The following DRC11L variants were observed in gnomAD, a reference collection of about 807,000 sequenced individuals.
The protein encoded by DRC11L is dynein regulatory complex subunit 11 like.
the DRC11L span, among the ~76,000 whole-genome samples, chr7:151,200,973 AAG>A: frequency 6.6e-6 from 1 of 152,138 alleles, no homozygotes; most frequent in Non-Finnish European, 1.5e-5. Context: ...TCCCAGGCCC[AAG>A]ACCCCATCTG....
the DRC11L span, among the ~76,000 whole-genome samples, chr7:151,198,120 G>A: frequency 5.7e-4 from 87 of 151,798 alleles, 1 homozygote; most frequent in East Asian, 0.015. Flanking sequence ...GTGGGTGGAT[G>A]AACAGATGGA....
At chr7:151,195,135 A>G in the DRC11L span, among the ~76,000 whole-genome samples, 1 of 152,134 alleles carries the variant, frequency 6.6e-6, no homozygotes, top group Non-Finnish European at 1.5e-5. Flanking sequence ...GGTTAAGGCA[A>G]AGGTTGGAGG....
chr7:151,192,348 C>T, the DRC11L span: 13 of 399,118 alleles, frequency 3.3e-5, no homozygotes, highest in Non-Finnish European at 5.7e-5. Flanking sequence ...CCCCGCATCT[C>T]GGCCAGCTGT....
At chr7:151,199,091 C>T in the DRC11L span, 21 of 398,134 alleles carry the variant, frequency 5.3e-5, no homozygotes, top group African/African-American at 1.0e-4. The surrounding 1 kb of genome is among the most constrained non-coding windows in gnomAD (Gnocchi z 5.2). Context: ...CGGGCACACA[C>T]GCCTGTACCC....
the DRC11L span, chr7:151,192,886 T>A: frequency 2.5e-6 from 1 of 398,718 alleles, no homozygotes. Context: ...AAGGGTCATG[T>A]CCCTGCTGGT....
the DRC11L span, chr7:151,196,108 C>T: frequency 2.3e-5 from 6 of 261,304 alleles, no homozygotes; most frequent in Admixed American, 1.1e-4. Context: ...GGGTGGGACA[C>T]GTCGTCAGAG....
the DRC11L span, chr7:151,200,528 A>T: frequency 2.5e-6 from 1 of 399,256 alleles, no homozygotes; most frequent in Non-Finnish European, 4.4e-6. Context: ...CCTGTCTCTC[A>T]GAGAGGGTCC....
At chr7:151,191,168 C>G in the DRC11L span, 1 of 399,988 alleles carries the variant, frequency 2.5e-6, no homozygotes, top group Non-Finnish European at 4.4e-6. Flanking sequence ...ATTGTTTCCT[C>G]AGCAGCCTCT....
At chr7:151,197,007 T>C in the DRC11L span, 202 of 399,482 alleles carry the variant, frequency 5.1e-4, 1 homozygote, top group Middle Eastern at 1.9e-3. Flanking sequence ...GCACAGATCA[T>C]AGGGATACAT....
At chr7:151,204,743 CT>C in the DRC11L span, 2 of 398,976 alleles carry the variant, frequency 5.0e-6, no homozygotes, top group Admixed American at 4.4e-5. Flanking sequence ...AGGACTGCCG[CT>C]CCCGGTCGGG....
the DRC11L span, chr7:151,192,321 C>G: frequency 2.5e-6 from 1 of 399,094 alleles, no homozygotes. Flanking sequence ...AGGATCCGCT[C>G]GTAGACCCGG....
chr7:151,200,507 C>A, the DRC11L span: 1 of 399,378 alleles, frequency 2.5e-6, no homozygotes, highest in East Asian at 3.6e-5. Context: ...ACAGTCTCCA[C>A]CCTGCAGCAG....
At chr7:151,192,177 C>T in the DRC11L span, 11 of 398,044 alleles carry the variant, frequency 2.8e-5, no homozygotes, top group Middle Eastern at 6.2e-4. Context: ...TCCAGAAGAC[C>T]GGGCTGTGGG....
chr7:151,202,152 G>T, the DRC11L span, among the ~76,000 whole-genome samples: 4 of 152,168 alleles, frequency 2.6e-5, no homozygotes, highest in Non-Finnish European at 5.9e-5. Flanking sequence ...CATGTTAAAA[G>T]GTGACCCAGA....
the DRC11L span, chr7:151,204,368 G>A: frequency 1.7e-4 from 68 of 397,246 alleles, no homozygotes; most frequent in Non-Finnish European, 2.7e-4. Context: ...GGCAGGGGTG[G>A]TCGGCCCCAT....
chr7:151,192,500 C>T, the DRC11L span: 1 of 398,772 alleles, frequency 2.5e-6, no homozygotes, highest in Non-Finnish European at 4.4e-6. Flanking sequence ...GGCACAGTGG[C>T]CCAGCGTATG....
At chr7:151,197,307 C>T in the DRC11L span, 1 of 399,126 alleles carries the variant, frequency 2.5e-6, no homozygotes, top group East Asian at 3.6e-5. Context: ...CTTGCATCTG[C>T]ATTTCCAGTT....
the DRC11L span, chr7:151,191,782 C>T: frequency 1.8e-5 from 7 of 399,044 alleles, no homozygotes; most frequent in Non-Finnish European, 2.7e-5. Flanking sequence ...GAATGTGACC[C>T]GGCGTGTAGC....
chr7:151,198,820 G>A, the DRC11L span: 13 of 398,948 alleles, frequency 3.3e-5, no homozygotes, highest in South Asian at 1.3e-4. Context: ...AACCACTGTC[G>A]GATTTGCTCC....
Sources: allele counts gnomAD v4.1 joint callset (sites outside exome capture counted in the v4.1 genomes callset), GRCh38; gene constraint gnomAD v4.1.1; non-coding constraint Gnocchi (gnomAD v3.1); transcripts MANE v1.5; gene names NCBI Gene and HGNC (gene_info 2026-07-23, HGNC 2026-07-21).